PTPRQ: variants seen among roughly 807,000 people sequenced by gnomAD.
PTPRQ encodes protein tyrosine phosphatase receptor type Q.
A neutral mutation model predicts 246.0 loss-of-function variants in PTPRQ; 199 were observed. That is an observed-to-expected ratio of 0.81 (90% CI 0.72 to 0.91). The LOEUF (loss-of-function observed/expected upper bound fraction) is 0.91. PTPRQ is among the 40% of genes least tolerant of loss of function. The pLI is 0.00. For missense variants in PTPRQ, 2,624 were observed against 2,528.4 expected (o/e 1.04, Z -0.81); for synonymous variants, 869 against 853.2 (o/e 1.02, Z -0.32).
At chr12:80,578,777 T>C (rs1897347356) in intron 25 of PTPRQ, among the ~76,000 whole-genome samples, 1 of 152,192 alleles carries the variant, frequency 6.6e-6, no homozygotes, top group Non-Finnish European at 1.5e-5. Context: ...TGGTACCCTC[T>C]TTATGGGTTT....
At chr12:80,613,519 G>A (rs1311095339) in intron 28 of PTPRQ, 73 bp from the exon 29 acceptor site, 2 of 1,394,284 alleles carry the variant, frequency 1.4e-6, no homozygotes, top group African/African-American at 1.5e-5. Flanking sequence ...GAAGTTCAAA[G>A]CAAATAAATT....
chr12:80,479,826 G>A (rs61950944), intron 8 of PTPRQ, among the ~76,000 whole-genome samples: 8 of 150,756 alleles, frequency 5.3e-5, no homozygotes, highest in African/African-American at 1.9e-4. Context: ...AGAAGAGCTA[G>A]CCTAAATATA....
chr12:80,480,569 A>G (rs1435478415), intron 8 of PTPRQ, among the ~76,000 whole-genome samples: 4 of 147,120 alleles, frequency 2.7e-5, no homozygotes, highest in African/African-American at 7.6e-5. Flanking sequence ...CCTTCAAAAA[A>G]TCAATGAATC....
intron 35 of PTPRQ, among the ~76,000 whole-genome samples, chr12:80,645,448 T>G (rs900901878): frequency 9.2e-5 from 14 of 152,008 alleles, no homozygotes; most frequent in African/African-American, 3.4e-4. Flanking sequence ...ATTCATATTT[T>G]GCTTTCTGTG....
chr12:80,478,697 T>C (rs1309506789), intron 8 of PTPRQ, among the ~76,000 whole-genome samples: 2 of 151,906 alleles, frequency 1.3e-5, no homozygotes, highest in Non-Finnish European at 1.5e-5. Flanking sequence ...TGATGGAACT[T>C]ATAACCAAGG....
intron 25 of PTPRQ, among the ~76,000 whole-genome samples, chr12:80,562,469 T>C (rs1896855646): frequency 6.6e-6 from 1 of 152,186 alleles, no homozygotes; most frequent in South Asian, 2.1e-4. Flanking sequence ...AAGTTTGAGC[T>C]GAAATATACT....
chr12:80,562,321 A>C (rs967112590), intron 25 of PTPRQ, among the ~76,000 whole-genome samples: 10 of 152,174 alleles, frequency 6.6e-5, no homozygotes, highest in African/African-American at 2.4e-4. Context: ...AATCTCTTCT[A>C]ATTTCTAAAA....
At chr12:80,467,258 G>T (rs1301394116) in intron 6 of PTPRQ, among the ~76,000 whole-genome samples, 3 of 152,116 alleles carry the variant, frequency 2.0e-5, no homozygotes, top group African/African-American at 4.8e-5. Context: ...ATGAAAAGAT[G>T]CTCACCATCA....
At chr12:80,655,616 A>C (rs1900407375) in intron 38 of PTPRQ, among the ~76,000 whole-genome samples, 1 of 151,442 alleles carries the variant, frequency 6.6e-6, no homozygotes, top group South Asian at 2.1e-4. Context: ...ACACACACAC[A>C]CCCATACACA....
intron 25 of PTPRQ, among the ~76,000 whole-genome samples, chr12:80,552,800 A>G (rs1332006889): frequency 6.6e-6 from 1 of 151,246 alleles, no homozygotes; most frequent in Non-Finnish European, 1.5e-5. Context: ...ATATTGTACT[A>G]TGAACTATGT....
chr12:80,610,537 A>C lies in PTPRQ; in HGVS notation c.4830A>C (p.Val1610=). ...TAGAAATATTCACAAGGTATTCTGT[A>C]GTGATCACTGCATTTACTGGGAACA... The part of the protein sequence containing the change: ...KDLEIFTRYS[V]VITAFTGNIS... The change falls in exon 28 of 45, where the codon GTA becomes GTC. Residue 1610 remains valine (V), a synonymous_variant. Coordinates refer to ENST00000644991, the MANE Select transcript of PTPRQ (RefSeq NM_001145026.2). 1 of 1,543,000 alleles carries C rather than the reference A, an allele frequency of 6.5e-7. No individual in the cohort carries two copies. Among genetic ancestry groups the C allele is most frequent in the Non-Finnish European group, 8.8e-7 (1 of 1,140,952 alleles).
chr12:80,579,108 G>T lies in PTPRQ; in HGVS notation c.4286-9021G>T, dbSNP rs376080758. 2.6e-5 allele frequency among the ~76,000 whole-genome samples: 4 copies of T among 152,046 alleles called. 1 individual carries two copies. The South Asian group carries it at 8.3e-4, about 32-fold the overall frequency. ...ATTATTTTTAACCTACCAGATCATT[G>T]TAATCTATGTTGTGCTTTATATGTA... is the stretch of plus-strand genomic sequence containing the variant. On this transcript the variant is annotated intron_variant, in intron 25 of 44. Coordinates refer to ENST00000644991, the MANE Select transcript of PTPRQ (RefSeq NM_001145026.2).
chr12:80,678,769 C>T, intron 44 of PTPRQ, 44 bp downstream of exon 44: 1 of 1,501,622 alleles, frequency 6.7e-7, no homozygotes, highest in Admixed American at 2.3e-5. Flanking sequence ...TAGTTTACCA[C>T]CTACGGTAAG....
intron 43 of PTPRQ, among the ~76,000 whole-genome samples, chr12:80,676,475 T>C (rs995927971): frequency 6.6e-6 from 1 of 152,168 alleles, no homozygotes; most frequent in Non-Finnish European, 1.5e-5. Context: ...AAACCCCGTC[T>C]ATACTAAAAA....
intron 6 of PTPRQ, among the ~76,000 whole-genome samples, chr12:80,463,497 G>C (rs1053612841): frequency 6.6e-6 from 1 of 152,080 alleles, no homozygotes; most frequent in African/African-American, 2.4e-5. Context: ...CCAACATTCA[G>C]ATTCAGGAAA....
intron 6 of PTPRQ, 48 bp from the exon 7 acceptor site, chr12:80,468,662 T>G (rs1055366097): frequency 6.8e-7 from 1 of 1,461,352 alleles, no homozygotes; most frequent in Non-Finnish European, 9.0e-7. Context: ...TAGGGTGCGC[T>G]TTCATTTTAA....
intron 3 of PTPRQ, among the ~76,000 whole-genome samples, chr12:80,455,230 C>G (rs1892937552): frequency 6.6e-6 from 1 of 152,110 alleles, no homozygotes; most frequent in South Asian, 2.1e-4. Flanking sequence ...GCACATTGTA[C>G]TTTATAAAGT....
At chr12:80,656,684 G>T (rs1461858179) in intron 38 of PTPRQ, among the ~76,000 whole-genome samples, 1 of 151,876 alleles carries the variant, frequency 6.6e-6, no homozygotes, top group Non-Finnish European at 1.5e-5. Context: ...GTAGTAATTA[G>T]AAATTTGAAA....
intron 17 of PTPRQ, among the ~76,000 whole-genome samples, chr12:80,527,433 C>A (rs903149478): frequency 1.6e-4 from 24 of 151,960 alleles, no homozygotes; most frequent in African/African-American, 5.6e-4. Context: ...AAATATTATG[C>A]TTTGCTCTCC....
Sources: gnomAD v4.1 joint callset for allele counts (sites outside exome capture counted in the v4.1 genomes callset) on GRCh38, gnomAD v4.1.1 for gene constraint, MANE v1.5 for transcripts, NCBI Gene and HGNC (gene_info 2026-07-23, HGNC 2026-07-21) for gene names.